The following SESTD1 variants were observed in gnomAD, a reference collection of about 807,000 sequenced individuals.
The protein encoded by SESTD1 is SEC14 and spectrin domain containing 1, also known as SEC14 domain and spectrin repeat-containing protein 1.
SESTD1 carries 43 observed loss-of-function variants against 101.7 expected under a neutral mutation model. The ratio of observed to expected loss-of-function variants is 0.42; its 90% CI spans 0.33 to 0.55. The LOEUF is 0.55. SESTD1 is among the 20% of genes least tolerant of loss of function. The probability of loss-of-function intolerance (pLI) is 0.07; values close to 1 mark genes in which losing one functional copy is unlikely to be tolerated. For synonymous variants in SESTD1, 283 were observed against 286.8 expected (o/e 0.99, Z 0.13); for missense variants, 647 against 815.1 (o/e 0.79, Z 2.51).
chr2:179,146,307 T>C (rs1267027803), intron 8 of SESTD1, 95 bp downstream of exon 8: 3 of 1,181,516 alleles, frequency 2.5e-6, no homozygotes, highest in Non-Finnish European at 3.7e-6. Flanking sequence ...TCCTTCCACA[T>C]GTACCACATT....
At position 179,210,511 on chromosome 2, in the gene SESTD1, G is replaced by T. The variant is rs1026256630; in HGVS notation, c.-25-18645C>A. 5.9e-5 allele frequency among the ~76,000 whole-genome samples: 8 copies of T among 135,146 alleles called. 1 individual carries two copies. In the South Asian group the frequency reaches 2.2e-3, roughly 38 times the overall value. 88.7% of individuals were successfully genotyped at this position (135,146 alleles called of 152,430 possible). Reference sequence around the variant, plus strand: ...ACCAAGTGGGTTTCATACTAGGGATGCAGGGTTGGTTTAACATACACCAGT... The same window carrying T: ...ACCAAGTGGGTTTCATACTAGGGATTCAGGGTTGGTTTAACATACACCAGT... On this transcript the variant is annotated intron_variant, in intron 1 of 17. Transcript: ENST00000428443.
intron 5 of SESTD1, among the ~76,000 whole-genome samples, chr2:179,164,865 G>A (rs2045807661): frequency 6.6e-6 from 1 of 152,144 alleles, no homozygotes; most frequent in African/African-American, 2.4e-5. Context: ...CTTTGTTGCA[G>A]ATAATTTAAT....
chr2:179,214,720 T>C (rs1397545447), intron 1 of SESTD1, among the ~76,000 whole-genome samples: 1 of 134,986 alleles, frequency 7.4e-6, no homozygotes, highest in East Asian at 2.0e-4. Context: ...TATTCTAAAA[T>C]TGACCACGTA....
intron 3 of SESTD1, among the ~76,000 whole-genome samples, chr2:179,179,650 G>A (rs116542426): frequency 6.6e-6 from 1 of 152,220 alleles, no homozygotes; most frequent in African/African-American, 2.4e-5. Context: ...TCTTACAAAT[G>A]TCCTGGCAGC....
chr2:179,229,388 T>C (rs929478080), intron 1 of SESTD1, among the ~76,000 whole-genome samples: 7 of 152,046 alleles, frequency 4.6e-5, no homozygotes, highest in Non-Finnish European at 8.8e-5. Context: ...ACTTACACCA[T>C]TGTTGCTCCT....
intron 10 of SESTD1, among the ~76,000 whole-genome samples, chr2:179,126,678 T>C (rs2044881422): frequency 6.6e-6 from 1 of 152,178 alleles, no homozygotes; most frequent in African/African-American, 2.4e-5. Context: ...TCATCAACAC[T>C]GACCCCTCCC....
intron 12 of SESTD1, among the ~76,000 whole-genome samples, chr2:179,122,309 G>T (rs1249211873): frequency 6.6e-6 from 1 of 152,082 alleles, no homozygotes; most frequent in African/African-American, 2.4e-5. Flanking sequence ...GGAGAACAAG[G>T]CAAACATGTT....
At chr2:179,156,572 T>C (rs2045635868) in intron 5 of SESTD1, among the ~76,000 whole-genome samples, 1 of 152,244 alleles carries the variant, frequency 6.6e-6, no homozygotes, top group Non-Finnish European at 1.5e-5. Flanking sequence ...TCCCTAATCA[T>C]TAGTGATGTT....
At chr2:179,166,195 C>G (rs2045831348) in intron 5 of SESTD1, among the ~76,000 whole-genome samples, 1 of 152,058 alleles carries the variant, frequency 6.6e-6, no homozygotes, top group African/African-American at 2.4e-5. Context: ...CACTTGGAGG[C>G]TGAATCTCTA....
intron 10 of SESTD1, among the ~76,000 whole-genome samples, chr2:179,127,029 C>T (rs1337508177): frequency 1.3e-5 from 2 of 152,186 alleles, no homozygotes; most frequent in Non-Finnish European, 2.9e-5. Flanking sequence ...ATTATCTGTC[C>T]AAAAGTTTCA....
At chr2:179,125,171 C>A (rs917822989) in intron 10 of SESTD1, among the ~76,000 whole-genome samples, 31 of 152,160 alleles carry the variant, frequency 2.0e-4, no homozygotes, top group African/African-American at 7.5e-4. Flanking sequence ...AACGTGTCAT[C>A]ATATACTACT....
Position 179,204,894 on chromosome 2 carries a change from T to A in SESTD1, c.-25-13028A>T, listed in dbSNP as rs1263932325. ...GATGTTCCCCCAGAAAAAAAAAAAA[T>A]TCAACCTTGAGGAAGAAATGCAGAT... On this transcript the variant is annotated intron_variant, in intron 1 of 17. Transcript: ENST00000428443. Among the ~76,000 whole-genome samples the A allele has an allele frequency of 2.2e-5, 3 of 133,438 alleles. 1 individual carries two copies. Among genetic ancestry groups the A allele is most frequent in the African/African-American group, 5.9e-5 (2 of 33,724 alleles). 87.5% of individuals were successfully genotyped at this position (133,438 alleles called of 152,430 possible). A position where few individuals can be genotyped will look rare whatever the true frequency, so the allele number is the denominator to read the frequency against.
intron 1 of SESTD1, among the ~76,000 whole-genome samples, chr2:179,261,097 TA>T (rs1326722725): frequency 6.6e-6 from 1 of 152,232 alleles, no homozygotes; most frequent in African/African-American, 2.4e-5. Flanking sequence ...GCTATGCTAT[TA>T]AGAAGCTGTT....
At chr2:179,225,032 G>A (rs1168052332) in intron 1 of SESTD1, among the ~76,000 whole-genome samples, 1 of 152,196 alleles carries the variant, frequency 6.6e-6, no homozygotes, top group Non-Finnish European at 1.5e-5. Flanking sequence ...GTCACAACCT[G>A]GGGCTTGCAA....
rs1464093935 is a variant in SESTD1, at chr2:179,121,923, C to A, written c.1289G>T (p.Gly430Val). 1 of 1,596,378 alleles carries A rather than the reference C, an allele frequency of 6.3e-7. No individual in the cohort carries two copies. Among genetic ancestry groups the A allele is most frequent in the African/African-American group, 1.4e-5 (1 of 73,666 alleles). The change falls in exon 13 of 18, where the codon GGA (glycine) becomes GTA (valine). Residue 430 changes from glycine (G) to valine (V), a missense_variant. Gly to Val is a moderately radical substitution (Grantham distance 109, BLOSUM62 -3). Around this residue, in one of 3 missense-constraint regions of SESTD1, gnomAD observed 476 missense variants for 562.6 expected, o/e 0.85. Transcript: ENST00000428443. ...ACCTTTTTCACGCAAACCTTGCAATCCCACATCTAAAACAAAAGTTACTAG... is the reference window on the plus strand; with the variant it reads ...ACCTTTTTCACGCAAACCTTGCAATACCACATCTAAAACAAAAGTTACTAG... ...LEEKLKSVDV[G>V]LQGLREKGQG...
intron 2 of SESTD1, 50 bp downstream of exon 2, chr2:179,191,735 CTA>C: frequency 7.0e-7 from 1 of 1,429,784 alleles, no homozygotes; most frequent in Non-Finnish European, 9.7e-7. Context: ...AAAGAAGAAA[CTA>C]TTAAAAAGTT....
rs1174701951 is a variant in SESTD1, at chr2:179,106,265, A to C, written c.*3634T>G. On this transcript the variant is annotated 3_prime_UTR_variant, in exon 18 of 18. Transcript: ENST00000428443. ...CTGTACCATTCCCTATAGGCTGAAGATGTAAAGGACATTAGCAACCACAGT... is the reference window on the plus strand; with the variant it reads ...CTGTACCATTCCCTATAGGCTGAAGCTGTAAAGGACATTAGCAACCACAGT... The C allele has an allele frequency of 6.6e-6, 1 of 152,202 alleles. No homozygotes were observed. Among genetic ancestry groups the C allele is most frequent in the Non-Finnish European group, 1.5e-5 (1 of 68,024 alleles). The allele number at this position is 152,202 out of a possible 1,614,324, so 9.4% of individuals were successfully genotyped here. A position where few individuals can be genotyped will look rare whatever the true frequency, so the allele number is the denominator to read the frequency against.
chr2:179,166,356 ATC>A (rs2045834285), intron 5 of SESTD1, among the ~76,000 whole-genome samples: 1 of 152,114 alleles, frequency 6.6e-6, no homozygotes, highest in East Asian at 1.9e-4. Context: ...CTTCAATGCT[ATC>A]TCTCCTATGA....
rs543966778 is a variant in SESTD1, at chr2:179,262,390, GTC to G, written c.-26+2107_-26+2108del. Reference sequence around the variant, plus strand: ...AAAGAAAACTATTATAAAAATTTAAGTCTCTGCTTTTTTTTCTTTTGAGACAA... The same window carrying G: ...AAAGAAAACTATTATAAAAATTTAAGTCTGCTTTTTTTTCTTTTGAGACAA... On this transcript the variant is annotated intron_variant, in intron 1 of 17. Coordinates refer to ENST00000428443, the MANE Select transcript of SESTD1 (RefSeq NM_178123.5). Among the ~76,000 whole-genome samples, 454 of 152,234 alleles carry G rather than the reference GTC, an allele frequency of 3.0e-3. 4 individuals are homozygous for G. Among genetic ancestry groups the G allele is most frequent in the Non-Finnish European group, 2.1e-3 (145 of 67,998 alleles).
Sources: allele counts gnomAD v4.1 joint callset (sites outside exome capture counted in the v4.1 genomes callset), GRCh38; gene constraint gnomAD v4.1.1; regional missense constraint gnomAD v4.1.1; transcripts MANE v1.5; gene names NCBI Gene and HGNC (gene_info 2026-07-23, HGNC 2026-07-21).